ZUP1: variants seen among roughly 807,000 people sequenced by gnomAD.
ZUP1 encodes zinc finger containing ubiquitin peptidase 1, also known as zinc finger-containing ubiquitin peptidase 1.
A neutral mutation model predicts 68.1 loss-of-function variants in ZUP1; 55 were observed. That is an observed-to-expected ratio of 0.81 (90% CI 0.65 to 1.01). The LOEUF (loss-of-function observed/expected upper bound fraction) is 1.01. ZUP1 is among the 50% of genes least tolerant of loss of function. ZUP1 has a pLI of 0.00. For missense variants in ZUP1, 684 were observed against 674.9 expected (o/e 1.01, Z -0.15); for synonymous variants, 223 against 221.5 (o/e 1.01, Z -0.06).
In ZUP1 at chr6:116,647,591, G is replaced by T; in HGVS notation, c.1336C>A (p.His446Asn). The change falls in exon 8 of 10, where the codon CAC becomes AAC. Residue 446 changes from histidine (H) to asparagine (N), a missense_variant. By Grantham distance (68) the His-to-Asn change is moderately conservative. Transcript: ENST00000368576. ...LRVKCHIVDF[H>N]KSTGPLGTHP... Reference sequence around the variant, plus strand: ...GTACCCAAAGGACCAGTTGATTTGTGAAAATCAACAATATGACACCTATTA... The same window carrying T: ...GTACCCAAAGGACCAGTTGATTTGTTAAAATCAACAATATGACACCTATTA... 1 of 1,571,002 alleles carries T rather than the reference G, an allele frequency of 6.4e-7. No homozygotes were observed. The highest frequency in any genetic ancestry group is 8.7e-7 in the Non-Finnish European group (1 of 1,151,298).
chr6:116,657,639 G>A (rs1037409016), intron 4 of ZUP1, among the ~76,000 whole-genome samples: 4 of 152,172 alleles, frequency 2.6e-5, no homozygotes, highest in African/African-American at 7.2e-5. Context: ...CAAGTCTGGG[G>A]AAATTGTGAT....
chr6:116,656,116 G>A (rs1212948469), intron 5 of ZUP1, among the ~76,000 whole-genome samples: 1 of 148,458 alleles, frequency 6.7e-6, no homozygotes, highest in Non-Finnish European at 1.5e-5. Flanking sequence ...TTTCGCTCTT[G>A]TTGCCCAGGC....
intron 5 of ZUP1, among the ~76,000 whole-genome samples, chr6:116,653,024 G>A (rs1776561798): frequency 6.6e-6 from 1 of 151,858 alleles, no homozygotes; most frequent in Non-Finnish European, 1.5e-5. Context: ...TAATACACCT[G>A]GCACTATCTA....
intron 8 of ZUP1, 72 bp from the exon 9 acceptor site, chr6:116,646,006 G>T: frequency 9.3e-7 from 1 of 1,077,294 alleles, no homozygotes. Context: ...CTGTATGTAT[G>T]TTGTGTGATC....
chr6:116,668,426 G>A (rs1172403833), intron 1 of ZUP1, 140 bp downstream of exon 1: 1 of 152,368 alleles, frequency 6.6e-6, no homozygotes. Context: ...GTACGTGGTG[G>A]GTGAGGTCAG....
chr6:116,666,684 T>C lies in ZUP1; in HGVS notation c.509A>G (p.Glu170Gly). 6.2e-7 allele frequency: 1 copy of C among 1,606,114 alleles called. No individual in the cohort carries two copies. The highest frequency in any genetic ancestry group is 8.5e-7 in the Non-Finnish European group (1 of 1,177,494). ...GKIEEHSEDMETHVKTKHANL... is the reference protein window; with the variant it reads ...GKIEEHSEDMGTHVKTKHANL... ...GGCATGCTTTGTTTTCACATGAGTT[T>C]CCATATCTTCACTGTGCTCCTCTAT... The change falls in exon 2 of 10, where the codon GAA becomes GGA. Residue 170 changes from glutamate to glycine, a missense_variant. Glu to Gly is a moderately conservative substitution (Grantham distance 98). Coordinates refer to ENST00000368576, the MANE Select transcript of ZUP1 (RefSeq NM_145062.3).
At chr6:116,663,837 C>T (rs1464424576) in intron 2 of ZUP1, among the ~76,000 whole-genome samples, 2 of 151,856 alleles carry the variant, frequency 1.3e-5, no homozygotes, top group South Asian at 2.1e-4. Flanking sequence ...GTCCCAGCCC[C>T]TTGGGAGGCT....
At chr6:116,645,360 C>G (rs529483534) in intron 9 of ZUP1, among the ~76,000 whole-genome samples, 2 of 151,872 alleles carry the variant, frequency 1.3e-5, no homozygotes, top group African/African-American at 2.4e-5. Flanking sequence ...GTGGGCAGAT[C>G]GCTTGAGCCT....
At chr6:116,658,966 A>C in intron 3 of ZUP1, 42 bp from the exon 4 acceptor site, 1 of 1,501,910 alleles carries the variant, frequency 6.7e-7, no homozygotes, top group Non-Finnish European at 9.0e-7. Context: ...TAACTGTTGC[A>C]ATCAAAGATT....
chr6:116,662,194 G>C (rs543316219), intron 2 of ZUP1, among the ~76,000 whole-genome samples: 1 of 152,138 alleles, frequency 6.6e-6, no homozygotes, highest in Non-Finnish European at 1.5e-5. Context: ...TAATGCTGGC[G>C]GATGTAAGAG....
intron 2 of ZUP1, among the ~76,000 whole-genome samples, chr6:116,663,569 G>A (rs762637626): frequency 1.2e-4 from 19 of 152,046 alleles, no homozygotes; most frequent in South Asian, 2.1e-4. Flanking sequence ...CCTTGCAGCA[G>A]TCCATAAATT....
intron 9 of ZUP1, among the ~76,000 whole-genome samples, chr6:116,637,947 AACT>A (rs1189302062): frequency 6.6e-6 from 1 of 152,082 alleles, no homozygotes; most frequent in Non-Finnish European, 1.5e-5. Context: ...CTGTAATCCC[AACT>A]ACTTGGGAGA....
intron 8 of ZUP1, chr6:116,646,198 T>A: frequency 3.5e-6 from 1 of 288,500 alleles, no homozygotes; most frequent in Non-Finnish European, 6.4e-6. Flanking sequence ...TCCCAATCCT[T>A]TGATCCTTCT....
chr6:116,653,948 T>C (rs1382169792), intron 5 of ZUP1, among the ~76,000 whole-genome samples: 1 of 152,006 alleles, frequency 6.6e-6, no homozygotes, highest in Non-Finnish European at 1.5e-5. Context: ...CCACAGTAAA[T>C]TTATCTTCAG....
chr6:116,659,926 C>T (rs903535625), intron 3 of ZUP1, among the ~76,000 whole-genome samples: 6 of 152,218 alleles, frequency 3.9e-5, no homozygotes, highest in African/African-American at 1.4e-4. Context: ...ACAAGTCACA[C>T]TCAATGTTTA....
chr6:116,644,970 A>G (rs1776243168), intron 9 of ZUP1, among the ~76,000 whole-genome samples: 1 of 152,100 alleles, frequency 6.6e-6, no homozygotes, highest in South Asian at 2.1e-4. Flanking sequence ...ACTGTTTTGC[A>G]AGGGATTCAG....
intron 4 of ZUP1, 78 bp from the exon 5 acceptor site, chr6:116,656,930 T>C (rs1776686329): frequency 2.0e-6 from 2 of 1,012,052 alleles, no homozygotes; most frequent in Non-Finnish European, 2.8e-6. Flanking sequence ...TAAAATTTTA[T>C]TTGGAAACAT....
chr6:116,635,904 A>T, intron 9 of ZUP1, 25 bp from the exon 10 acceptor site: 1 of 1,530,142 alleles, frequency 6.5e-7, no homozygotes, highest in Non-Finnish European at 8.9e-7. Context: ...TTAAAAAACA[A>T]TTTTAAGCTA....
intron 9 of ZUP1, 105 bp from the exon 10 acceptor site, chr6:116,635,984 A>C: frequency 1.3e-6 from 1 of 752,688 alleles, no homozygotes; most frequent in South Asian, 2.9e-5. Flanking sequence ...TTTTTTCAAG[A>C]TAATAATGAA....
Sources: gnomAD v4.1 joint callset for allele counts (sites outside exome capture counted in the v4.1 genomes callset) on GRCh38, gnomAD v4.1.1 for gene constraint, MANE v1.5 for transcripts, NCBI Gene and HGNC (gene_info 2026-07-23, HGNC 2026-07-21) for gene names.